The following CSMD1 variants were observed in gnomAD, a reference collection of about 807,000 sequenced individuals.
CSMD1 encodes the protein CUB and sushi domain-containing protein 1.
A neutral mutation model predicts 417.5 loss-of-function variants in CSMD1; 213 were observed. The ratio of observed to expected loss-of-function variants is 0.51; its 90% CI spans 0.46 to 0.57. CSMD1 has a LOEUF of 0.57. Among genes scored for constraint, CSMD1 ranks in the 20% least tolerant of loss-of-function variants. The probability of loss-of-function intolerance (pLI) is 0.00; values close to 1 mark genes in which losing one functional copy is unlikely to be tolerated. For synonymous variants in CSMD1, 2,862 were observed against 1,736.8 expected, an observed-to-expected ratio of 1.65 and a Z score of -16.11; for missense variants, 6,923 against 4,529.7, an observed-to-expected ratio of 1.53 and a Z score of -15.17.
At chr8:4,781,571 G>C (rs542180135) in intron 1 of CSMD1, among the ~76,000 whole-genome samples, 104 of 152,304 alleles carry the variant, frequency 6.8e-4, no homozygotes, top group Middle Eastern at 6.8e-3. Context: ...ACTTTTGTGG[G>C]TCAATTAGAT....
chr8:4,044,193 G>A, intron 3 of CSMD1, among the ~76,000 whole-genome samples: 1 of 152,150 alleles, frequency 6.6e-6, no homozygotes, highest in South Asian at 2.1e-4. Flanking sequence ...TAAAAGTTGA[G>A]GGATCTGCAC....
At chr8:4,027,997 T>C (rs1797151227) in intron 4 of CSMD1, among the ~76,000 whole-genome samples, 1 of 152,180 alleles carries the variant, frequency 6.6e-6, no homozygotes, top group Non-Finnish European at 1.5e-5. Context: ...GTGAGATCAA[T>C]TAATTGAGAA....
intron 3 of CSMD1, among the ~76,000 whole-genome samples, chr8:4,391,576 A>G (rs2128923963): frequency 6.6e-6 from 1 of 152,144 alleles, no homozygotes; most frequent in African/African-American, 2.4e-5. Flanking sequence ...AGTGACTTTC[A>G]GCTACCCTAT....
At chr8:4,273,614 G>A (rs1220787128) in intron 3 of CSMD1, among the ~76,000 whole-genome samples, 1 of 152,122 alleles carries the variant, frequency 6.6e-6, no homozygotes, top group Admixed American at 6.6e-5. Context: ...CAAATTAAAT[G>A]AGGTTTTCTG....
At chr8:4,101,079 G>A (rs1000549816) in intron 3 of CSMD1, among the ~76,000 whole-genome samples, 1 of 152,132 alleles carries the variant, frequency 6.6e-6, no homozygotes, top group Admixed American at 6.6e-5. Context: ...ACGGCGCTGG[G>A]TTCAGAACTA....
At chr8:3,358,673 C>A (rs1808959378) in intron 21 of CSMD1, among the ~76,000 whole-genome samples, 2 of 152,234 alleles carry the variant, frequency 1.3e-5, no homozygotes, top group Admixed American at 6.5e-5. Flanking sequence ...CCTCTTGTGC[C>A]CACTTAGCAG....
rs17071569 is a variant in CSMD1 at position 4,818,894 on chromosome 8, T to C, written c.85+175438A>G. 2.0e-5 allele frequency among the ~76,000 whole-genome samples: 3 copies of C among 152,232 alleles called. No individual in the cohort carries two copies. The East Asian group carries it at 5.8e-4, about 29-fold the overall frequency. On this transcript the variant is annotated intron_variant, in intron 1 of 69. Coordinates refer to ENST00000635120, the MANE Select transcript of CSMD1 (RefSeq NM_033225.6). ...AAACTGTTTACTAAAGAAAGTTCAG[T>C]TTAAGTGGTGAGAACAAGGTTTGGA...
At chr8:3,436,214 T>C (rs1814553702) in intron 12 of CSMD1, among the ~76,000 whole-genome samples, 1 of 152,140 alleles carries the variant, frequency 6.6e-6, no homozygotes, top group African/African-American at 2.4e-5. Flanking sequence ...CTTAATTACT[T>C]CATACACTAT....
chr8:4,485,575 C>T (rs1801334056), intron 2 of CSMD1, among the ~76,000 whole-genome samples: 2 of 152,062 alleles, frequency 1.3e-5, no homozygotes, highest in Admixed American at 6.6e-5. Context: ...TTTCTTGCCA[C>T]TTCTATCCAT....
chr8:4,978,864 G>C (rs927407682), intron 1 of CSMD1, among the ~76,000 whole-genome samples: 2 of 138,696 alleles, frequency 1.4e-5, no homozygotes, highest in African/African-American at 4.9e-5. Flanking sequence ...CTTGAACCCA[G>C]GAGGCGGAGG....
intron 3 of CSMD1, among the ~76,000 whole-genome samples, chr8:4,152,436 T>G (rs1796616227): frequency 6.6e-6 from 1 of 151,698 alleles, no homozygotes; most frequent in South Asian, 2.1e-4. Context: ...CCCAGCAATT[T>G]GGCCAAGGCA....
intron 1 of CSMD1, among the ~76,000 whole-genome samples, chr8:4,755,893 C>G (rs913753713): frequency 1.1e-4 from 16 of 152,122 alleles, no homozygotes; most frequent in Admixed American, 1.0e-3. Context: ...ATGGGCTGCT[C>G]GGCCTTCAGT....
At chr8:4,465,215 A>G (rs1042195843) in intron 2 of CSMD1, among the ~76,000 whole-genome samples, 1 of 152,206 alleles carries the variant, frequency 6.6e-6, no homozygotes, top group African/African-American at 2.4e-5. Context: ...CACATAAAGT[A>G]TACACATTTG....
chr8:3,036,690 G>A (rs7823470), intron 50 of CSMD1, among the ~76,000 whole-genome samples: 1 of 151,832 alleles, frequency 6.6e-6, no homozygotes, highest in Non-Finnish European at 1.5e-5. Flanking sequence ...TAAATATAAA[G>A]TTTTTGGGGA....
At chr8:3,609,407 G>A (rs1327787152) in intron 8 of CSMD1, among the ~76,000 whole-genome samples, 3 of 152,162 alleles carry the variant, frequency 2.0e-5, no homozygotes, top group East Asian at 1.9e-4. Context: ...GAAAAATACT[G>A]TCAGCAAACT....
chr8:3,142,324 T>C (rs1818553789), intron 41 of CSMD1, 141 bp downstream of exon 41: 1 of 764,014 alleles, frequency 1.3e-6, no homozygotes, highest in East Asian at 2.7e-5. Context: ...GTTCCACTAC[T>C]AACCAGAAAC....
chr8:3,538,301 AGATGGTACACGTGC>A (rs1230147998), intron 10 of CSMD1, among the ~76,000 whole-genome samples: 1 of 152,118 alleles, frequency 6.6e-6, no homozygotes, highest in African/African-American at 2.4e-5. Context: ...GCTTCACCTG[AGATGGTACACGTGC>A]GATGCCTCAT....
chr8:4,460,092 A>G (rs1284771210), intron 2 of CSMD1, among the ~76,000 whole-genome samples: 6 of 152,182 alleles, frequency 3.9e-5, no homozygotes, highest in Non-Finnish European at 8.8e-5. Flanking sequence ...AACATTCTCC[A>G]CAACAGAGCA....
chr8:4,905,647 G>A (rs13251267), intron 1 of CSMD1, among the ~76,000 whole-genome samples: 150,880 of 151,526 alleles, frequency 1, 75,120 homozygotes, highest in Middle Eastern at 1. Context: ...GTGAAACCCC[G>A]TCTCTACTAA....
Sources: gnomAD v4.1 joint callset for allele counts (sites outside exome capture counted in the v4.1 genomes callset) on GRCh38, gnomAD v4.1.1 for gene constraint, MANE v1.5 for transcripts, NCBI Gene and HGNC (gene_info 2026-07-23, HGNC 2026-07-21) for gene names.